The following STS variants were observed in gnomAD, a reference collection of about 807,000 sequenced individuals.
STS encodes steroid sulfatase.
A neutral mutation model predicts 26.8 loss-of-function variants in STS; 7 were observed. That is an observed-to-expected ratio of 0.26 (90% CI 0.15 to 0.49). The LOEUF (loss-of-function observed/expected upper bound fraction) is 0.49. STS is among the 20% of genes least tolerant of loss of function. The pLI is 0.98. For synonymous variants in STS, 199 were observed against 189.4 expected, an observed-to-expected ratio of 1.05 and a Z score of -0.42; for missense variants, 434 against 465.6, an observed-to-expected ratio of 0.93 and a Z score of 0.63.
Position 7,219,739 on chromosome X carries a change from T to C in STS, c.-5+28731T>C, listed in dbSNP as rs111743497. 61 of 1,168,448 alleles carry C rather than the reference T, an allele frequency of 5.2e-5. No individual in the cohort carries two copies. In the African/African-American group the frequency reaches 9.2e-4, roughly 18 times the overall value. ...GGGAGTTTTTAACCCTGAAACATAC[T>C]AGTTGGGATGTTCACAGCAGCTACC... On this transcript the variant is annotated intron_variant, in intron 2 of 10. Coordinates refer to ENST00000674429, the MANE Select transcript of STS (RefSeq NM_001320752.2).
intron 2 of STS, among the ~76,000 whole-genome samples, chrX:7,193,822 G>C (rs1444450172): frequency 1.8e-5 from 2 of 111,288 alleles, no homozygotes; most frequent in Non-Finnish European, 3.8e-5. Flanking sequence ...AAGACTTTGG[G>C]GATTGTCAGG....
At chrX:7,279,413 CTGTGTGTGTGTGTGTG>C (rs60649361) in intron 7 of STS, among the ~76,000 whole-genome samples, 2 of 80,073 alleles carry the variant, frequency 2.5e-5, no homozygotes, top group Non-Finnish European at 4.8e-5. Context: ...GTGTGTGTGT[CTGTGTGTGTGTGTGTG>C]TGTGTGTGTG....
intron 1 of STS, among the ~76,000 whole-genome samples, chrX:7,174,077 A>T (rs1238753302): frequency 8.9e-6 from 1 of 111,930 alleles, no homozygotes; most frequent in Non-Finnish European, 1.9e-5. Flanking sequence ...GATGTACTCA[A>T]ACATGAAATA....
At chrX:7,166,304 G>A (rs1933349446) in intron 1 of STS, among the ~76,000 whole-genome samples, 1 of 111,142 alleles carries the variant, frequency 9.0e-6, no homozygotes, top group African/African-American at 3.3e-5. Context: ...CATCCTGTCT[G>A]GCTGCATTAT....
intron 8 of STS, among the ~76,000 whole-genome samples, chrX:7,316,025 C>T (rs1337372626): frequency 1.8e-5 from 2 of 111,741 alleles, no homozygotes; most frequent in Admixed American, 1.9e-4. Flanking sequence ...CAGAACTTTC[C>T]GGAGAGCAGA....
rs1365615814 is a variant in STS, at chrX:7,167,125, C to A, written c.-134+19042C>A. ...GCTCAGAGTCTCACGAGATTGCCAT[C>A]AAGGTGCTGTCCAGGTGTTGGCTGT... is the stretch of plus-strand genomic sequence containing the variant. On this transcript the variant is annotated intron_variant, in intron 1 of 10. Coordinates refer to ENST00000674429, the MANE Select transcript of STS (RefSeq NM_001320752.2). Among the ~76,000 whole-genome samples the A allele has an allele frequency of 4.5e-5, 5 of 111,861 alleles. No homozygotes were observed. In the East Asian group the frequency reaches 8.4e-4, roughly 19 times the overall value.
chrX:7,281,977 C>T (rs781347334), intron 7 of STS, among the ~76,000 whole-genome samples: 2 of 112,132 alleles, frequency 1.8e-5, no homozygotes, highest in Non-Finnish European at 3.8e-5. Flanking sequence ...TTCCCCTTCA[C>T]CCTCTGAAGT....
At chrX:7,335,440 C>A (rs1157667566) in intron 10 of STS, among the ~76,000 whole-genome samples, 1 of 112,042 alleles carries the variant, frequency 8.9e-6, no homozygotes, top group Non-Finnish European at 1.9e-5. Flanking sequence ...CCTTTGCCCA[C>A]TTTTTGATGG....
Position 7,326,056 on chromosome X carries a change from C to T in STS, c.1241+558C>T, listed in dbSNP as rs141962879. On this transcript the variant is annotated intron_variant, in intron 9 of 10. Coordinates refer to ENST00000674429, the MANE Select transcript of STS (RefSeq NM_001320752.2). ...TGGGGATCAGGGGTTTTGGTTCTTA[C>T]GACCTGCATTGGGGAAGAGGGATTC... 1.3e-3 allele frequency among the ~76,000 whole-genome samples: 144 copies of T among 111,481 alleles called. 1 individual carries two copies. The highest frequency in any genetic ancestry group is 9.0e-4 in the Non-Finnish European group (48 of 53,097).
chrX:7,344,775 G>GT (rs758226166), intron 10 of STS, among the ~76,000 whole-genome samples: 10 of 111,924 alleles, frequency 8.9e-5, no homozygotes, highest in Non-Finnish European at 1.7e-4. Flanking sequence ...AGCAGGGGCC[G>GT]TAAGGGCACA....
At chrX:7,253,677 T>C (rs1199427753) in intron 3 of STS, among the ~76,000 whole-genome samples, 1 of 111,898 alleles carries the variant, frequency 8.9e-6, no homozygotes, top group African/African-American at 3.3e-5. Context: ...GGCATCTGGC[T>C]TTATTCTGGT....
chrX:7,295,039 G>T (rs1925597101), intron 7 of STS, among the ~76,000 whole-genome samples: 1 of 111,886 alleles, frequency 8.9e-6, no homozygotes, highest in Non-Finnish European at 1.9e-5. Flanking sequence ...TTTGGGTAAT[G>T]CTTTTTCTGC....
chrX:7,260,019 G>A (rs1923660260), intron 6 of STS, among the ~76,000 whole-genome samples: 1 of 111,365 alleles, frequency 9.0e-6, no homozygotes, highest in Admixed American at 9.5e-5. Flanking sequence ...GGAACTATAG[G>A]CGCCCGCCAC....
intron 7 of STS, among the ~76,000 whole-genome samples, chrX:7,290,694 G>A (rs1925372628): frequency 8.9e-6 from 1 of 112,002 alleles, no homozygotes; most frequent in Non-Finnish European, 1.9e-5. Flanking sequence ...CAGACTTTGT[G>A]ACCAGATTGC....
At chrX:7,344,774 C>T (rs1928450278) in intron 10 of STS, among the ~76,000 whole-genome samples, 1 of 111,579 alleles carries the variant, frequency 9.0e-6, no homozygotes, top group Non-Finnish European at 1.9e-5. Flanking sequence ...AAGCAGGGGC[C>T]GTAAGGGCAC....
At chrX:7,153,415 T>C (rs1394884826) in intron 1 of STS, among the ~76,000 whole-genome samples, 1 of 101,018 alleles carries the variant, frequency 9.9e-6, no homozygotes, top group African/African-American at 3.8e-5. Flanking sequence ...CCTGTCTTCC[T>C]CCTGTCCTCC....
intron 1 of STS, among the ~76,000 whole-genome samples, chrX:7,168,041 A>C (rs1282566643): frequency 9.0e-6 from 1 of 111,029 alleles, no homozygotes; most frequent in Non-Finnish European, 1.9e-5. Context: ...AGGCACCTTA[A>C]TGACACATAC....
chrX:7,175,179 TAAAA>T (rs143220502), intron 1 of STS, among the ~76,000 whole-genome samples: 4 of 42,087 alleles, frequency 9.5e-5, no homozygotes, highest in Admixed American at 6.8e-4. Flanking sequence ...TCTGAGCTGG[TAAAA>T]AAAAAAAAAA....
In STS at chrX:7,326,178, C is replaced by T. The variant is rs113960791; in HGVS notation, c.1241+680C>T. 4.1e-3 allele frequency among the ~76,000 whole-genome samples: 450 copies of T among 110,548 alleles called. 1 individual carries two copies. The highest frequency in any genetic ancestry group is 6.9e-3 in the Non-Finnish European group (363 of 52,890). ...GCACTGAGGCCACTGCTGAGGCCCT[C>T]GGTTTGGAGTGTCACGATGCCTCCA... On this transcript the variant is annotated intron_variant, in intron 9 of 10. Transcript: ENST00000674429.
Sources: gnomAD v4.1 joint callset for allele counts (sites outside exome capture counted in the v4.1 genomes callset) on GRCh38, gnomAD v4.1.1 for gene constraint, MANE v1.5 for transcripts, NCBI Gene and HGNC (gene_info 2026-07-23, HGNC 2026-07-21) for gene names.